Variants in HSD17B2 observed in about 807,000 individuals in gnomAD.
HSD17B2 encodes hydroxysteroid 17-beta dehydrogenase 2, also known as 17-beta-hydroxysteroid dehydrogenase type 2.
HSD17B2 carries 32 observed loss-of-function variants against 26.9 expected under a neutral mutation model. That is an observed-to-expected ratio of 1.19 (90% confidence interval 0.90 to 1.60). The LOEUF (loss-of-function observed/expected upper bound fraction) is 1.60, where lower values mean the gene tolerates loss of function less well. Among genes scored for constraint, HSD17B2 ranks in the 40% most tolerant of loss-of-function variants. The pLI is 0.00. For missense variants in HSD17B2, 613 were observed against 468.6 expected, an observed-to-expected ratio of 1.31 and a Z score of -2.85; for synonymous variants, 246 against 186.7, an observed-to-expected ratio of 1.32 and a Z score of -2.59.
At chr16:82,093,497 G>C (rs925517615) in intron 4 of HSD17B2, 2 of 152,198 alleles carry the variant, frequency 1.3e-5, no homozygotes, top group Non-Finnish European at 2.9e-5. Flanking sequence ...TTCTACTGTT[G>C]ATGGGATGTT....
At chr16:82,074,344 T>A (rs182066964) in intron 3 of HSD17B2, among the ~76,000 whole-genome samples, 288 of 152,176 alleles carry the variant, frequency 1.9e-3, no homozygotes, top group African/African-American at 6.7e-3. Context: ...TAGAAATGAG[T>A]TTATTTGTAG....
At chr16:82,042,939 C>T (rs1217501788) in intron 1 of HSD17B2, among the ~76,000 whole-genome samples, 1 of 152,170 alleles carries the variant, frequency 6.6e-6, no homozygotes, top group African/African-American at 2.4e-5. Flanking sequence ...ATATTTTAAA[C>T]AATCCCATAG....
At chr16:82,097,314 AT>A (rs1459821986) in intron 4 of HSD17B2, 4 of 150,186 alleles carry the variant, frequency 2.7e-5, no homozygotes, top group African/African-American at 7.4e-5. Flanking sequence ...ACACATATAT[AT>A]GTGTGTGTAT....
chr16:82,070,217 C>G (rs146559691), intron 2 of HSD17B2, among the ~76,000 whole-genome samples: 25 of 152,294 alleles, frequency 1.6e-4, no homozygotes, highest in African/African-American at 4.8e-4. Context: ...TACCACCTAA[C>G]CAGTCATTCA....
chr16:82,063,611 A>G (rs941823537), intron 1 of HSD17B2, among the ~76,000 whole-genome samples: 3 of 152,160 alleles, frequency 2.0e-5, no homozygotes, highest in African/African-American at 7.2e-5. Context: ...CAGTAGAGGG[A>G]ATGTTCTGAC....
At chr16:82,075,382 A>G (rs1387150008) in intron 3 of HSD17B2, among the ~76,000 whole-genome samples, 1 of 152,156 alleles carries the variant, frequency 6.6e-6, no homozygotes, top group African/African-American at 2.4e-5. Flanking sequence ...TGAAAAGAAG[A>G]AGACAATACA....
Position 82,035,699 on chromosome 16 carries a change from C to A in HSD17B2, c.265+10C>A, listed in dbSNP as rs368278623. 1.9e-6 allele frequency: 3 copies of A among 1,611,312 alleles called. No individual in the cohort carries two copies. The highest frequency in any genetic ancestry group is 2.5e-6 in the Non-Finnish European group (3 of 1,178,492). ...GCAGTCCTGGTGACAGGTAAGCAGA[C>A]GGTGCTACAATTTTCACTGAGGGTA... On this transcript the variant is annotated intron_variant, in intron 1 of 4. Transcript: ENST00000199936.
intron 1 of HSD17B2, among the ~76,000 whole-genome samples, chr16:82,064,107 C>G (rs918757569): frequency 3.9e-5 from 6 of 152,206 alleles, no homozygotes; most frequent in Non-Finnish European, 8.8e-5. Context: ...AAGTTCAACA[C>G]TGTTGTCACC....
At chr16:82,084,940 T>C (rs2142362227) in intron 3 of HSD17B2, among the ~76,000 whole-genome samples, 1 of 152,312 alleles carries the variant, frequency 6.6e-6, no homozygotes, top group South Asian at 2.1e-4. Context: ...CCTAGGACGG[T>C]CTTGAACTCC....
At chr16:82,051,670 G>A (rs1468583377) in intron 1 of HSD17B2, among the ~76,000 whole-genome samples, 5 of 152,142 alleles carry the variant, frequency 3.3e-5, no homozygotes, top group Non-Finnish European at 1.5e-5. Flanking sequence ...AAACCACCAT[G>A]CCACACATAC....
intron 1 of HSD17B2, among the ~76,000 whole-genome samples, chr16:82,053,234 C>T (rs1963489771): frequency 6.6e-6 from 1 of 152,174 alleles, no homozygotes; most frequent in Admixed American, 6.5e-5. Context: ...AGCCCACGTA[C>T]ATCAGGGAAT....
rs1431077797 is a variant in HSD17B2 at position 82,091,027 on chromosome 16, G to A, written c.790G>A (p.Gly264Ser). 6.2e-7 allele frequency: 1 copy of A among 1,613,926 alleles called. No homozygotes were observed. Among genetic ancestry groups the A allele is most frequent in the Non-Finnish European group, 8.5e-7 (1 of 1,179,856 alleles). The part of the protein sequence containing the change: ...GIKVASIQPG[G>S]FLTNIAGTSD... The stretch of plus-strand genomic sequence containing the variant: ...TAAAGTTGCTTCCATCCAACCTGGA[G>A]GCTTCCTAACAAGTAGGTTTCTGAG... The change falls in exon 4 of 5, where the codon GGC becomes AGC. Residue 264 changes from glycine (G) to serine (S), a missense_variant. By Grantham distance (56) the Gly-to-Ser change is moderately conservative (BLOSUM62 0). Transcript: ENST00000199936.
chr16:82,074,503 A>G (rs1403901070), intron 3 of HSD17B2, among the ~76,000 whole-genome samples: 1 of 152,264 alleles, frequency 6.6e-6, no homozygotes, highest in Non-Finnish European at 1.5e-5. Flanking sequence ...CAAGATAGGA[A>G]AAAGATATTT....
chr16:82,079,047 C>G (rs981041292), intron 3 of HSD17B2, among the ~76,000 whole-genome samples: 2 of 152,150 alleles, frequency 1.3e-5, no homozygotes, highest in Non-Finnish European at 2.9e-5. Flanking sequence ...GTGTGCAACA[C>G]AAAGGATAAA....
intron 3 of HSD17B2, 140 bp from the exon 4 acceptor site, chr16:82,090,762 G>C: frequency 1.3e-6 from 1 of 741,628 alleles, no homozygotes; most frequent in Admixed American, 2.9e-5. Context: ...GCTCACCTGG[G>C]CTCAGGGGGC....
rs1474384494 is a variant in HSD17B2 at position 82,035,707 on chromosome 16, C to T, written c.265+18C>T. ...GGTGACAGGTAAGCAGACGGTGCTACAATTTTCACTGAGGGTATGATCTGA... is the reference window on the plus strand; with the variant it reads ...GGTGACAGGTAAGCAGACGGTGCTATAATTTTCACTGAGGGTATGATCTGA... On this transcript the variant is annotated intron_variant, in intron 1 of 4. Coordinates refer to ENST00000199936, the MANE Select transcript of HSD17B2 (RefSeq NM_002153.3). 3.1e-6 allele frequency: 5 copies of T among 1,609,240 alleles called. No individual in the cohort carries two copies. The African/African-American group carries it at 4.0e-5, about 13-fold the overall frequency.
chr16:82,041,384 G>A (rs922585935), intron 1 of HSD17B2, among the ~76,000 whole-genome samples: 2 of 152,314 alleles, frequency 1.3e-5, no homozygotes, highest in South Asian at 4.1e-4. Context: ...TCTTTTTGCT[G>A]GGGTCATTTG....
intron 2 of HSD17B2, among the ~76,000 whole-genome samples, chr16:82,069,380 T>G (rs1914645976): frequency 6.6e-6 from 1 of 152,232 alleles, no homozygotes; most frequent in Non-Finnish European, 1.5e-5. Context: ...AATCTATGTG[T>G]GAATGTATCT....
At position 82,098,168 on chromosome 16, in the gene HSD17B2, A is replaced by G; in HGVS notation, c.896A>G (p.Tyr299Cys). 6.2e-7 allele frequency: 1 copy of G among 1,614,130 alleles called. No individual in the cohort carries two copies. Among genetic ancestry groups the G allele is most frequent in the Non-Finnish European group, 8.5e-7 (1 of 1,179,992 alleles). Residue 299 changes from tyrosine to cysteine, a missense_variant, in exon 5 of 5, where the codon TAC (tyrosine) becomes TGC (cysteine). Physicochemically the swap from Tyr to Cys is radical, Grantham distance 194. Transcript: ENST00000199936. ...AEVQEDYGQD[Y>C]ILAQRNFLLL... ...GTACAGGAAGACTACGGCCAGGACT[A>G]CATCTTAGCACAGCGGAATTTCCTC...
Sources: allele counts gnomAD v4.1 joint callset (sites outside exome capture counted in the v4.1 genomes callset), GRCh38; gene constraint gnomAD v4.1.1; transcripts MANE v1.5; gene names NCBI Gene and HGNC (gene_info 2026-07-23, HGNC 2026-07-21).